CAMKMT: variants seen among roughly 807,000 people sequenced by gnomAD.
CAMKMT encodes the protein calmodulin-lysine N-methyltransferase, also known as CaM KMT.
A neutral mutation model predicts 48.0 loss-of-function variants in CAMKMT; 53 were observed. The observed-to-expected ratio is 1.10, with a 90% confidence interval of 0.89 to 1.39. The LOEUF is 1.39. CAMKMT is among the 40% of genes most tolerant of loss of function. The pLI is 0.00. For missense variants in CAMKMT, 428 were observed against 402.7 expected (o/e 1.06, Z -0.54); for synonymous variants, 165 against 152.3 (o/e 1.08, Z -0.61).
intron 3 of CAMKMT, among the ~76,000 whole-genome samples, chr2:44,664,004 G>A (rs1407236859): frequency 2.6e-5 from 4 of 152,166 alleles, no homozygotes; most frequent in Non-Finnish European, 5.9e-5. Context: ...TAAGTTGGGT[G>A]GCCAGGGAAG....
At chr2:44,456,878 C>G (rs1165233379) in intron 3 of CAMKMT, 3 of 342,250 alleles carry the variant, frequency 8.8e-6, no homozygotes, top group Non-Finnish European at 1.6e-5. Flanking sequence ...ACTCTTAACT[C>G]ATTCAAGCAA....
At chr2:44,472,895 G>A (rs1294010624) in intron 3 of CAMKMT, among the ~76,000 whole-genome samples, 1 of 152,116 alleles carries the variant, frequency 6.6e-6, no homozygotes, top group East Asian at 1.9e-4. Context: ...TTTTCTAGCT[G>A]CATTTAAATC....
At chr2:44,469,621 T>C (rs1402671369) in intron 3 of CAMKMT, among the ~76,000 whole-genome samples, 4 of 152,130 alleles carry the variant, frequency 2.6e-5, no homozygotes, top group Non-Finnish European at 4.4e-5. Context: ...ATTTGTTTTC[T>C]TTCCAAATTT....
Position 44,429,568 on chromosome 2 carries a change from T to G in CAMKMT, c.376+39263T>G, listed in dbSNP as rs144344280. Reference sequence around the variant, plus strand: ...CTTTAATGGGACCAAAAGAAGAACGTATAAGACAAAAGAATAAGGTCAGGA... The same window carrying G: ...CTTTAATGGGACCAAAAGAAGAACGGATAAGACAAAAGAATAAGGTCAGGA... On this transcript the variant is annotated intron_variant, in intron 3 of 10. Coordinates refer to ENST00000378494, the MANE Select transcript of CAMKMT (RefSeq NM_024766.5). Among the ~76,000 whole-genome samples the G allele has an allele frequency of 4.5e-3, 691 of 152,016 alleles. 14 individuals carry two copies. The East Asian group carries it at 0.046, about 10-fold the overall frequency.
intron 1 of CAMKMT, among the ~76,000 whole-genome samples, chr2:44,366,476 CTTG>C (rs898994137): frequency 2.6e-5 from 4 of 152,162 alleles, no homozygotes; most frequent in Non-Finnish European, 2.9e-5. Context: ...TAAATGTTAT[CTTG>C]TTGTATTGTT....
At chr2:44,494,821 C>G (rs910665250) in intron 3 of CAMKMT, among the ~76,000 whole-genome samples, 4 of 152,174 alleles carry the variant, frequency 2.6e-5, no homozygotes, top group African/African-American at 7.2e-5. Context: ...TCTCTGACCT[C>G]TCACCTCCTG....
At chr2:44,394,149 C>A (rs1286038618) in intron 3 of CAMKMT, among the ~76,000 whole-genome samples, 1 of 151,970 alleles carries the variant, frequency 6.6e-6, no homozygotes, top group Non-Finnish European at 1.5e-5. Context: ...GTATATAATC[C>A]TTTAAAGGAT....
intron 3 of CAMKMT, among the ~76,000 whole-genome samples, chr2:44,646,380 G>A (rs1673733981): frequency 6.6e-6 from 1 of 151,828 alleles, no homozygotes; most frequent in African/African-American, 2.4e-5. Flanking sequence ...CACCTTAATA[G>A]GAGGGCTAGT....
chr2:44,565,005 C>T (rs1668535369), intron 3 of CAMKMT, among the ~76,000 whole-genome samples: 1 of 152,200 alleles, frequency 6.6e-6, no homozygotes, highest in Admixed American at 6.5e-5. Flanking sequence ...CCACTGTTTC[C>T]TCACTTGGTC....
Position 44,772,109 on chromosome 2 carries a change from G to C in CAMKMT, c.968G>C (p.Gly323Ala). Residue 323 changes from glycine to alanine, a missense_variant, in exon 11 of 11, where the codon GGA (glycine) becomes GCA (alanine). Physicochemically the swap from Gly to Ala is moderately conservative, Grantham distance 60 (BLOSUM62 0). Coordinates refer to ENST00000378494, the MANE Select transcript of CAMKMT (RefSeq NM_024766.5). ...CTTCTGCTTATTTTGACCAAACATG[G>C]ATAGAAGATTAAGCTTCTCAAAGAC... ...YPLLLILTKH[G>A] 2 of 1,612,726 alleles carry C rather than the reference G, an allele frequency of 1.2e-6. No individual in the cohort carries two copies. The highest frequency in any genetic ancestry group is 8.5e-7 in the Non-Finnish European group (1 of 1,179,132).
chr2:44,568,795 A>C (rs987337927), intron 3 of CAMKMT, among the ~76,000 whole-genome samples: 4 of 152,146 alleles, frequency 2.6e-5, no homozygotes, highest in Non-Finnish European at 5.9e-5. Context: ...GAGGGCACAA[A>C]AGACTAAGGT....
chr2:44,409,192 T>C (rs1683019703), intron 3 of CAMKMT, among the ~76,000 whole-genome samples: 1 of 94,612 alleles, frequency 1.1e-5, no homozygotes, highest in Non-Finnish European at 2.4e-5. Flanking sequence ...TGTATATTGC[T>C]ACATAAAGAC....
At chr2:44,511,107 C>G (rs1670525681) in intron 3 of CAMKMT, among the ~76,000 whole-genome samples, 1 of 151,698 alleles carries the variant, frequency 6.6e-6, no homozygotes, top group Admixed American at 6.6e-5. Context: ...TCCCAAAGTG[C>G]TGGGATTACA....
intron 2 of CAMKMT, among the ~76,000 whole-genome samples, chr2:44,379,558 A>G (rs1008960306): frequency 4.6e-5 from 7 of 152,180 alleles, no homozygotes; most frequent in African/African-American, 1.7e-4. Flanking sequence ...CCCCATACTT[A>G]TCAGTGAAGC....
chr2:44,542,646 G>A (rs1470842581), intron 3 of CAMKMT, among the ~76,000 whole-genome samples: 2 of 152,072 alleles, frequency 1.3e-5, no homozygotes, highest in East Asian at 3.8e-4. Flanking sequence ...ATCTAAATGA[G>A]TTAGTTGCAA....
chr2:44,616,538 A>AT (rs577163772), intron 3 of CAMKMT, among the ~76,000 whole-genome samples: 3 of 151,102 alleles, frequency 2.0e-5, no homozygotes, highest in Non-Finnish European at 4.4e-5. Context: ...TTAACAATAT[A>AT]TTTTTTTGAT....
chr2:44,505,350 C>T (rs1420542686), intron 3 of CAMKMT, among the ~76,000 whole-genome samples: 2 of 152,136 alleles, frequency 1.3e-5, no homozygotes, highest in Non-Finnish European at 2.9e-5. Flanking sequence ...CTACTCTTTT[C>T]ATCTGCTTAA....
At chr2:44,721,481 C>A (rs1468818539) in intron 7 of CAMKMT, among the ~76,000 whole-genome samples, 4 of 152,094 alleles carry the variant, frequency 2.6e-5, no homozygotes, top group Non-Finnish European at 5.9e-5. Flanking sequence ...TGTCTTAATT[C>A]TTCTTTTAAT....
intron 3 of CAMKMT, among the ~76,000 whole-genome samples, chr2:44,394,341 T>C (rs747795903): frequency 6.6e-6 from 1 of 152,142 alleles, no homozygotes; most frequent in Non-Finnish European, 1.5e-5. Context: ...CATTATCTCC[T>C]GGAGGAATTT....
Sources: allele counts gnomAD v4.1 joint callset (sites outside exome capture counted in the v4.1 genomes callset), GRCh38; gene constraint gnomAD v4.1.1; transcripts MANE v1.5; gene names NCBI Gene and HGNC (gene_info 2026-07-23, HGNC 2026-07-21).